The following BAZ2B variants were observed in gnomAD, a reference collection of about 807,000 sequenced individuals.
BAZ2B encodes bromodomain adjacent to zinc finger domain protein 2B.
Under a neutral mutation model 246.0 loss-of-function variants are expected in BAZ2B, and 91 were observed. The observed-to-expected ratio is 0.37, with a 90% CI of 0.31 to 0.44. BAZ2B has a LOEUF of 0.44. Ranked by LOEUF, BAZ2B falls within the 20% of genes least tolerant of loss-of-function variation. The probability of loss-of-function intolerance (pLI) is 1.00; values close to 1 mark genes in which losing one functional copy is unlikely to be tolerated. For missense variants in BAZ2B, 2,332 were observed against 2,533.7 expected, an observed-to-expected ratio of 0.92 and a Z score of 1.71; for synonymous variants, 855 against 860.0, an observed-to-expected ratio of 0.99 and a Z score of 0.10.
intron 2 of BAZ2B, among the ~76,000 whole-genome samples, chr2:159,538,657 T>C (rs2086295305): frequency 6.6e-6 from 1 of 152,196 alleles, no homozygotes; most frequent in Non-Finnish European, 1.5e-5. Context: ...AGGCACCCAG[T>C]TGAGGACCAA....
At chr2:159,428,517 T>TA (rs1455083899) in intron 11 of BAZ2B, 98 bp from the exon 12 acceptor site, 3 of 831,908 alleles carry the variant, frequency 3.6e-6, no homozygotes, top group Non-Finnish European at 5.3e-6. Context: ...CTAGAAAACA[T>TA]AAAAAATGAA....
the BAZ2B span, among the ~76,000 whole-genome samples, chr2:159,645,541 T>C: frequency 6.6e-6 from 1 of 152,056 alleles, no homozygotes; most frequent in Non-Finnish European, 1.5e-5. Context: ...TCTGAGAATC[T>C]AATGTCACTG....
At chr2:159,456,446 A>G (rs2075784338) in intron 3 of BAZ2B, among the ~76,000 whole-genome samples, 1 of 152,070 alleles carries the variant, frequency 6.6e-6, no homozygotes, top group Non-Finnish European at 1.5e-5. Flanking sequence ...TGAAGTTATC[A>G]CTCTTGTGGC....
At chr2:159,542,218 T>C (rs1456288556) in intron 2 of BAZ2B, among the ~76,000 whole-genome samples, 1 of 152,116 alleles carries the variant, frequency 6.6e-6, no homozygotes, top group Non-Finnish European at 1.5e-5. Flanking sequence ...ATATGCATTA[T>C]GGATATGCCA....
intron 3 of BAZ2B, among the ~76,000 whole-genome samples, chr2:159,467,782 T>C (rs2150737159): frequency 2.0e-5 from 3 of 152,158 alleles, no homozygotes; most frequent in Middle Eastern, 6.8e-3. Flanking sequence ...CTGGAAAGCA[T>C]CCAAAAGCAG....
intron 16 of BAZ2B, among the ~76,000 whole-genome samples, chr2:159,402,380 G>A (rs1432059791): frequency 1.3e-5 from 2 of 152,154 alleles, no homozygotes; most frequent in Non-Finnish European, 1.5e-5. Flanking sequence ...AACCCAGGAG[G>A]CGGAGGCTGC....
At chr2:159,670,178 C>A in the BAZ2B span, among the ~76,000 whole-genome samples, 1 of 152,104 alleles carries the variant, frequency 6.6e-6, no homozygotes, top group Non-Finnish European at 1.5e-5. Context: ...ACTGTGTTGG[C>A]CACGCTGGTC....
chr2:159,646,616 T>G, the BAZ2B span, among the ~76,000 whole-genome samples: 3 of 152,154 alleles, frequency 2.0e-5, no homozygotes, highest in Admixed American at 6.5e-5. Flanking sequence ...AAGTATTAAT[T>G]TGGGGATCTA....
the BAZ2B span, among the ~76,000 whole-genome samples, chr2:159,662,175 CT>C: frequency 1.3e-5 from 2 of 152,178 alleles, no homozygotes; most frequent in Non-Finnish European, 2.9e-5. Context: ...ACCACTATTC[CT>C]TTTTGTTGGC....
chr2:159,367,070 G>C (rs1320332952), intron 27 of BAZ2B, among the ~76,000 whole-genome samples: 1 of 152,174 alleles, frequency 6.6e-6, no homozygotes, highest in African/African-American at 2.4e-5. Flanking sequence ...TGTTCTCAAA[G>C]TCCTTGGTTT....
At chr2:159,565,445 A>C (rs1366295158) in intron 1 of BAZ2B, among the ~76,000 whole-genome samples, 2 of 152,176 alleles carry the variant, frequency 1.3e-5, no homozygotes, top group Non-Finnish European at 1.5e-5. Context: ...AAATGATGGC[A>C]AAAATTGCAG....
At chr2:159,451,904 A>G (rs1027713532) in intron 4 of BAZ2B, among the ~76,000 whole-genome samples, 15 of 152,192 alleles carry the variant, frequency 9.9e-5, no homozygotes, top group Admixed American at 7.8e-4. Context: ...CAAAAGCAAC[A>G]GTGTAATAAA....
At chr2:159,596,664 T>C (rs1408047030) in intron 1 of BAZ2B, among the ~76,000 whole-genome samples, 1 of 152,226 alleles carries the variant, frequency 6.6e-6, no homozygotes, top group Admixed American at 6.5e-5. Context: ...TGTAATCTTT[T>C]ATCCCTCAGC....
chr2:159,441,942 A>G (rs2073479700), intron 6 of BAZ2B, among the ~76,000 whole-genome samples: 1 of 152,214 alleles, frequency 6.6e-6, no homozygotes, highest in Non-Finnish European at 1.5e-5. Flanking sequence ...TTTTAGTAAC[A>G]AAACAAATAC....
At chr2:159,580,487 T>C (rs1686484441) in intron 1 of BAZ2B, among the ~76,000 whole-genome samples, 1 of 152,184 alleles carries the variant, frequency 6.6e-6, no homozygotes, top group African/African-American at 2.4e-5. Context: ...ATGGCCATAC[T>C]GCCCAAGGTA....
intron 14 of BAZ2B, 103 bp from the exon 15 acceptor site, chr2:159,405,217 TAC>T (rs1553572974): frequency 4.3e-6 from 4 of 931,232 alleles, no homozygotes; most frequent in South Asian, 1.6e-5. Context: ...ATATAATTAT[TAC>T]TTTTTTTTTT....
At chr2:159,542,316 C>G (rs2086755181) in intron 2 of BAZ2B, among the ~76,000 whole-genome samples, 1 of 152,118 alleles carries the variant, frequency 6.6e-6, no homozygotes, top group Non-Finnish European at 1.5e-5. Flanking sequence ...AGACATGAAT[C>G]TACATATCCA....
chr2:159,554,674 T>C (rs1484095321), intron 2 of BAZ2B, among the ~76,000 whole-genome samples: 1 of 152,146 alleles, frequency 6.6e-6, no homozygotes, highest in East Asian at 1.9e-4. Context: ...TTAATGCTTC[T>C]GGATTTAATG....
At chr2:159,565,173 A>C (rs1419621723) in intron 1 of BAZ2B, among the ~76,000 whole-genome samples, 5 of 152,128 alleles carry the variant, frequency 3.3e-5, no homozygotes, top group Non-Finnish European at 5.9e-5. Flanking sequence ...GCCGGCCTCA[A>C]GACAAATTTC....
Sources: gnomAD v4.1 joint callset for allele counts (sites outside exome capture counted in the v4.1 genomes callset) on GRCh38, gnomAD v4.1.1 for gene constraint, MANE v1.5 for transcripts, NCBI Gene and HGNC (gene_info 2026-07-23, HGNC 2026-07-21) for gene names.